Variants in ZNF33B observed in about 807,000 individuals in gnomAD.
The protein encoded by ZNF33B is zinc finger protein 33B, also known as zinc finger protein 11b (KOX 2).
ZNF33B carries 29 observed loss-of-function variants against 45.8 expected under a neutral mutation model. The observed-to-expected ratio is 0.63, with a 90% CI of 0.47 to 0.86. ZNF33B has a LOEUF of 0.86. Among genes scored for constraint, ZNF33B ranks in the 40% least tolerant of loss-of-function variants. The pLI, the probability that ZNF33B is intolerant of heterozygous loss-of-function variation, is 0.00. For missense variants in ZNF33B, 831 were observed against 909.9 expected, an observed-to-expected ratio of 0.91 and a Z score of 1.12; for synonymous variants, 305 against 307.8, an observed-to-expected ratio of 0.99 and a Z score of 0.10.
chr10:42,604,704 A>C (rs1286916941), intron 4 of ZNF33B, among the ~76,000 whole-genome samples: 1 of 152,122 alleles, frequency 6.6e-6, no homozygotes, highest in Admixed American at 6.6e-5. Flanking sequence ...CCTGACGTCT[A>C]GGAGTTCGAG....
intron 4 of ZNF33B, among the ~76,000 whole-genome samples, chr10:42,612,745 T>A (rs966581585): frequency 7.9e-5 from 12 of 152,234 alleles, no homozygotes; most frequent in African/African-American, 2.7e-4. Context: ...TCCCTTTGCA[T>A]CTCTTTTCTG....
chr10:42,624,603 A>C (rs1396717317), intron 4 of ZNF33B, among the ~76,000 whole-genome samples: 1 of 152,232 alleles, frequency 6.6e-6, no homozygotes, highest in Non-Finnish European at 1.5e-5. Flanking sequence ...ATAAAATAGA[A>C]AAGTTATAAC....
Position 42,590,729 on chromosome 10 carries a change from A to G in ZNF33B, c.*1884T>C, listed in dbSNP as rs1285224494. The G allele has an allele frequency of 6.6e-6, 1 of 152,156 alleles. No homozygotes were observed. Among genetic ancestry groups the G allele is most frequent in the African/African-American group, 2.4e-5 (1 of 41,452 alleles). The allele number at this position is 152,156 out of a possible 1,614,324, so 9.4% of individuals were successfully genotyped here. ...ATCAAATTTATGGACAGAGTTGTCCATATTTCTTTCTAATCCTTTTGGTGA... is the reference window on the plus strand; with the variant it reads ...ATCAAATTTATGGACAGAGTTGTCCGTATTTCTTTCTAATCCTTTTGGTGA... On this transcript the variant is annotated 3_prime_UTR_variant, in exon 5 of 5. Transcript: ENST00000359467.
intron 4 of ZNF33B, among the ~76,000 whole-genome samples, chr10:42,604,574 G>C (rs1564508300): frequency 6.6e-6 from 1 of 151,964 alleles, no homozygotes; most frequent in Non-Finnish European, 1.5e-5. Flanking sequence ...GAAAATTCTG[G>C]ATTCAAAAAT....
At position 42,632,315 on chromosome 10, in the gene ZNF33B, T is replaced by C. The variant is rs778282631; in HGVS notation, c.134A>G (p.Tyr45Cys). The C allele has an allele frequency of 6.2e-7, 1 of 1,603,836 alleles. No individual in the cohort carries two copies. Among genetic ancestry groups the C allele is most frequent in the Non-Finnish European group, 8.5e-7 (1 of 1,176,640 alleles). Residue 45 changes from tyrosine (Y) to cysteine (C), a missense_variant, in exon 3 of 5, where the codon TAC (tyrosine) becomes TGC (cysteine). Tyr to Cys is a radical substitution (Grantham distance 194, BLOSUM62 -2). Coordinates refer to ENST00000359467, the MANE Select transcript of ZNF33B (RefSeq NM_006955.3). ...CTTACCCACTGAGACAAGGTTGCTG[T>C]AGTTCTCCAGCATCACATCTCTATA... ...ALYRDVMLEN[Y>C]SNLVSVGYCA...
At chr10:42,576,897 C>T (rs375266457) in intron 1 of ZNF33B, among the ~76,000 whole-genome samples, 10 of 152,220 alleles carry the variant, frequency 6.6e-5, no homozygotes, top group African/African-American at 2.4e-4. Flanking sequence ...CTTTGGGAGG[C>T]CAAGGCGGCT....
chr10:42,593,468 A>G lies in ZNF33B; in HGVS notation c.1482T>C (p.Asp494=). 3 of 1,613,656 alleles carry G rather than the reference A, an allele frequency of 1.9e-6. No homozygotes were observed. Among genetic ancestry groups the G allele is most frequent in the Non-Finnish European group, 2.5e-6 (3 of 1,179,894 alleles). The change falls in exon 5 of 5, where the codon GAT becomes GAC. Residue 494 remains aspartate (D), a synonymous_variant. Transcript: ENST00000359467. Reference sequence around the variant, plus strand: ...CACATGCATTACATTCATAAGGTTTATCTCCTATGTGAGTTCTCTGATGCT... The same window carrying G: ...CACATGCATTACATTCATAAGGTTTGTCTCCTATGTGAGTTCTCTGATGCT... ...LTQHQRTHIG[D]KPYECNACGK...
At chr10:42,596,690 T>C (rs1049752166) in intron 4 of ZNF33B, among the ~76,000 whole-genome samples, 1 of 152,036 alleles carries the variant, frequency 6.6e-6, no homozygotes, top group African/African-American at 2.4e-5. Flanking sequence ...TAAAAAAAAA[T>C]TTTTGATACT....
In ZNF33B at chr10:42,592,674, G is replaced by A. The variant is rs139616171; in HGVS notation, c.2276C>T (p.Ser759Phe). 2.5e-6 allele frequency: 4 copies of A among 1,614,032 alleles called. No individual in the cohort carries two copies. The highest frequency in any genetic ancestry group is 3.4e-6 in the Non-Finnish European group (4 of 1,179,940). The change falls in exon 5 of 5, where the codon TCT (serine) becomes TTT (phenylalanine). Residue 759 changes from serine to phenylalanine, a missense_variant. Ser to Phe is a radical substitution (Grantham distance 155). Transcript: ENST00000359467. Reference sequence around the variant, plus strand: ...ATGTACAATGAGATTTGACTTTTGAGAGAAGGTTTTCCTGCATGTGTTACA... The same window carrying A: ...ATGTACAATGAGATTTGACTTTTGAAAGAAGGTTTTCCTGCATGTGTTACA... ...YECNTCRKTF[S>F]QKSNLIVHQR...
chr10:42,636,120 T>C (rs1157272311), intron 2 of ZNF33B, among the ~76,000 whole-genome samples: 4 of 151,990 alleles, frequency 2.6e-5, no homozygotes, highest in Non-Finnish European at 5.9e-5. Context: ...AGAGCGAGAC[T>C]CTGTCTCAAA....
chr10:42,616,234 A>C (rs1838308542), intron 4 of ZNF33B, among the ~76,000 whole-genome samples: 1 of 148,246 alleles, frequency 6.7e-6, no homozygotes, highest in Admixed American at 6.6e-5. Context: ...CTCCATATTA[A>C]AAAAAAATAA....
At position 42,636,990 on chromosome 10, in the gene ZNF33B, G is replaced by A. The variant is rs1839335001; in HGVS notation, c.-44-18C>T. On this transcript the variant is annotated intron_variant, in intron 1 of 4. Coordinates refer to ENST00000359467, the MANE Select transcript of ZNF33B (RefSeq NM_006955.3). ...AGATACAGCTGAGTTGGAAAAAGAG[G>A]AATGGGGTCATGAAAGATTTGGCCT... 1.2e-6 allele frequency: 2 copies of A among 1,612,828 alleles called. No individual in the cohort carries two copies. The highest frequency in any genetic ancestry group is 1.1e-5 in the South Asian group (1 of 90,940).
chr10:42,624,975 T>C (rs1405004272), intron 4 of ZNF33B, among the ~76,000 whole-genome samples: 7 of 151,962 alleles, frequency 4.6e-5, no homozygotes, highest in Non-Finnish European at 7.4e-5. Context: ...GATACAATAA[T>C]TCCTCCTACT....
intron 4 of ZNF33B, among the ~76,000 whole-genome samples, chr10:42,616,430 AACC>A (rs1838318647): frequency 1.3e-5 from 2 of 152,170 alleles, no homozygotes; most frequent in Non-Finnish European, 1.5e-5. Context: ...TCTTACAGCC[AACC>A]ACCTCACTAA....
chr10:42,635,390 A>G (rs923361424), intron 2 of ZNF33B, among the ~76,000 whole-genome samples: 2 of 152,208 alleles, frequency 1.3e-5, no homozygotes, highest in Non-Finnish European at 2.9e-5. Flanking sequence ...GAGGGGGACA[A>G]GACGGCAGCT....
chr10:42,592,690 A>G lies in ZNF33B; in HGVS notation c.2260T>C (p.Cys754Arg). Residue 754 changes from cysteine (C) to arginine (R), a missense_variant, in exon 5 of 5, where the codon TGC (cysteine) becomes CGC (arginine). Cys to Arg is a radical substitution (Grantham distance 180). Transcript: ENST00000359467. ...GACTTTTGAGAGAAGGTTTTCCTGC[A>G]TGTGTTACATTCATAGGGCTTTTCC... ...TGEKPYECNT[C>R]RKTFSQKSNL... 1 of 1,614,052 alleles carries G rather than the reference A, an allele frequency of 6.2e-7. No homozygotes were observed. Among genetic ancestry groups the G allele is most frequent in the Non-Finnish European group, 8.5e-7 (1 of 1,179,960 alleles).
chr10:42,625,653 A>G (rs1838774972), intron 4 of ZNF33B, among the ~76,000 whole-genome samples: 1 of 152,150 alleles, frequency 6.6e-6, no homozygotes, highest in African/African-American at 2.4e-5. Flanking sequence ...TTGTATTTTT[A>G]GTAGAGATGG....
intron 4 of ZNF33B, among the ~76,000 whole-genome samples, chr10:42,602,800 T>C (rs141052859): frequency 2.4e-4 from 37 of 152,200 alleles, no homozygotes; most frequent in Middle Eastern, 3.4e-3. Flanking sequence ...GTGAGTACTG[T>C]GTACTGTTCC....
chr10:42,616,678 C>A (rs1838333346), intron 4 of ZNF33B, among the ~76,000 whole-genome samples: 1 of 151,958 alleles, frequency 6.6e-6, no homozygotes, highest in Admixed American at 6.6e-5. Flanking sequence ...AAATAGTGTA[C>A]AATATGTTTT....
Sources: allele counts gnomAD v4.1 joint callset (sites outside exome capture counted in the v4.1 genomes callset), GRCh38; gene constraint gnomAD v4.1.1; transcripts MANE v1.5; gene names NCBI Gene and HGNC (gene_info 2026-07-23, HGNC 2026-07-21).